URI1: variants seen among roughly 807,000 people sequenced by gnomAD.
URI1 encodes URI1 prefoldin like chaperone.
Under a neutral mutation model 60.2 loss-of-function variants are expected in URI1, and 39 were observed. That is an observed-to-expected ratio of 0.65 (90% confidence interval 0.50 to 0.85). The LOEUF is 0.85. Ranked by LOEUF, URI1 falls within the 40% of genes least tolerant of loss-of-function variation. The pLI is 0.00. For missense variants in URI1, 691 were observed against 665.9 expected, an observed-to-expected ratio of 1.04 and a Z score of -0.42; for synonymous variants, 251 against 236.8, an observed-to-expected ratio of 1.06 and a Z score of -0.55.
chr19:29,924,052 G>A (rs1478381201), intron 1 of URI1, among the ~76,000 whole-genome samples: 1 of 152,174 alleles, frequency 6.6e-6, no homozygotes, highest in Non-Finnish European at 1.5e-5. Flanking sequence ...CAGGGCAGGA[G>A]AAGGTGGATG....
intron 1 of URI1, among the ~76,000 whole-genome samples, chr19:29,955,522 GTTTAA>G (rs573216705): frequency 1.1e-3 from 171 of 152,142 alleles, no homozygotes; most frequent in Non-Finnish European, 1.2e-3. Flanking sequence ...GAACTATTAT[GTTTAA>G]TTTAATTTAT....
chr19:29,953,703 T>TTA (rs3049084), intron 1 of URI1, among the ~76,000 whole-genome samples: 1 of 151,486 alleles, frequency 6.6e-6, no homozygotes, highest in Non-Finnish European at 1.5e-5. Context: ...TTTTTTTTTT[T>TTA]AGAGCGTAGT....
intron 2 of URI1, among the ~76,000 whole-genome samples, chr19:29,974,671 T>C (rs572603254): frequency 1.1e-4 from 17 of 152,250 alleles, no homozygotes; most frequent in Non-Finnish European, 1.5e-4. Flanking sequence ...AGATTTGAGG[T>C]ACAATTGAAC....
upstream of URI1, among the ~76,000 whole-genome samples, chr19:29,939,906 A>G (rs1374813835): frequency 6.6e-6 from 1 of 152,146 alleles, no homozygotes; most frequent in Non-Finnish European, 1.5e-5. Flanking sequence ...GCTGAATTCT[A>G]GTAGGATGTC....
rs949374982 is a variant in URI1, at chr19:30,015,267, G to A, written c.*198G>A. 2 of 1,409,534 alleles carry A rather than the reference G, an allele frequency of 1.4e-6. No individual in the cohort carries two copies. The highest frequency in any genetic ancestry group is 5.1e-5 in the East Asian group (2 of 39,588). The allele number at this position is 1,409,534 out of a possible 1,614,324, so 87.3% of individuals were successfully genotyped here. ...GAATACTTTAATATCAGCTTGTTTTGTGAATTCTCTGAATACTGTCAACAC... is the reference window on the plus strand; with the variant it reads ...GAATACTTTAATATCAGCTTGTTTTATGAATTCTCTGAATACTGTCAACAC... On this transcript the variant is annotated 3_prime_UTR_variant, in exon 11 of 11. Transcript: ENST00000392271.
intron 1 of URI1, among the ~76,000 whole-genome samples, chr19:29,930,632 T>G (rs1469938102): frequency 6.6e-6 from 1 of 152,198 alleles, no homozygotes; most frequent in East Asian, 1.9e-4. Flanking sequence ...CGAGAGGGTT[T>G]ATTTTCTGGG....
At chr19:29,978,750 T>A (rs935689672) in intron 2 of URI1, among the ~76,000 whole-genome samples, 4 of 152,188 alleles carry the variant, frequency 2.6e-5, no homozygotes, top group Non-Finnish European at 5.9e-5. Flanking sequence ...TGCCTATAAT[T>A]TACTTTTTAC....
At chr19:29,933,323 T>C (rs1175348761) in intron 1 of URI1, among the ~76,000 whole-genome samples, 1 of 152,234 alleles carries the variant, frequency 6.6e-6, no homozygotes, top group East Asian at 1.9e-4. Context: ...GATTTTCTAT[T>C]TCTTCTTGAG....
chr19:29,990,114 G>C (rs2055727818), intron 4 of URI1, among the ~76,000 whole-genome samples: 1 of 152,192 alleles, frequency 6.6e-6, no homozygotes, highest in Admixed American at 6.5e-5. Context: ...TGGATGTCCA[G>C]TTGCTCCAAT....
rs149974596 is a variant in URI1, at chr19:29,961,080, C to T, written c.118-10113C>T. On this transcript the variant is annotated intron_variant, in intron 1 of 10. Transcript: ENST00000392271. ...CTCACTATGTTGCCCAGGGTGGTCTCGAACTCCTGGCCTCAAGCGGTCGTC... is the reference window on the plus strand; with the variant it reads ...CTCACTATGTTGCCCAGGGTGGTCTTGAACTCCTGGCCTCAAGCGGTCGTC... Among the ~76,000 whole-genome samples the T allele has an allele frequency of 8.2e-3, 1,236 of 151,614 alleles. 29 individuals are homozygous for T. The highest frequency in any genetic ancestry group is 0.042 in the Admixed American group (647 of 15,230).
chr19:30,016,198 G>A lies in URI1; in HGVS notation c.*1129G>A, dbSNP rs2056083588. The A allele has an allele frequency of 6.6e-6, 1 of 152,078 alleles. No individual in the cohort carries two copies. The highest frequency in any genetic ancestry group is 1.5e-5 in the Non-Finnish European group (1 of 67,958). The allele number at this position is 152,078 out of a possible 1,614,324, so 9.4% of individuals were successfully genotyped here. On this transcript the variant is annotated 3_prime_UTR_variant, in exon 11 of 11. Coordinates refer to ENST00000392271, the MANE Select transcript of URI1 (RefSeq NM_003796.3). ...TTCTTCTTAAACAAAGTGAAATTAT[G>A]TCCTAGAAAAGTAGAAGCTATTCGT...
chr19:29,970,196 A>C (rs905019901), intron 1 of URI1, among the ~76,000 whole-genome samples: 15 of 142,500 alleles, frequency 1.1e-4, no homozygotes, highest in Non-Finnish European at 2.3e-4. Flanking sequence ...TATACAAGAG[A>C]CAATATTGGT....
At chr19:29,935,342 A>G (rs1373461168) in intron 1 of URI1, among the ~76,000 whole-genome samples, 1 of 152,182 alleles carries the variant, frequency 6.6e-6, no homozygotes, top group African/African-American at 2.4e-5. Context: ...CCCAGATCAT[A>G]TCTTTATACA....
chr19:29,989,536 G>A (rs535962108), intron 4 of URI1, among the ~76,000 whole-genome samples: 2 of 150,870 alleles, frequency 1.3e-5, no homozygotes, highest in African/African-American at 4.9e-5. Flanking sequence ...TGATTCTCCT[G>A]CTCAGCCTCC....
chr19:29,994,177 G>A (rs2055782339), intron 4 of URI1, among the ~76,000 whole-genome samples: 2 of 151,994 alleles, frequency 1.3e-5, no homozygotes, highest in African/African-American at 4.8e-5. Context: ...GACAGTGCTG[G>A]CTTTAACAGA....
At position 30,009,112 on chromosome 19, in the gene URI1, A is replaced by T; in HGVS notation, c.794A>T (p.His265Leu). The T allele has an allele frequency of 6.2e-7, 1 of 1,613,856 alleles. No homozygotes were observed. Among genetic ancestry groups the T allele is most frequent in the South Asian group, 1.1e-5 (1 of 91,078 alleles). Residue 265 changes from histidine to leucine, a missense_variant, in exon 8 of 11, where the codon CAT (histidine) becomes CTT (leucine). By Grantham distance (99) the His-to-Leu change is moderately conservative (BLOSUM62 -3). Transcript: ENST00000392271. ...VNAMHQVTDS[H>L]TPCHKDVASS... Reference sequence around the variant, plus strand: ...GCGATGCATCAAGTAACAGACTCTCATACTCCTTGTCATAAGGATGTTGCA... The same window carrying T: ...GCGATGCATCAAGTAACAGACTCTCTTACTCCTTGTCATAAGGATGTTGCA...
rs112923189 is a variant in URI1, at chr19:29,971,310, C to T, written c.152+83C>T. On this transcript the variant is annotated intron_variant, in intron 2 of 10. Coordinates refer to ENST00000392271, the MANE Select transcript of URI1 (RefSeq NM_003796.3). ...GTTCAAATAATGTGTTTACTGTTTG[C>T]GTGTGTGTGTATGTATGACTAGTAA... 57 of 1,394,524 alleles carry T rather than the reference C, an allele frequency of 4.1e-5. 3 individuals are homozygous for T. Among genetic ancestry groups the T allele is most frequent in the African/African-American group, 1.4e-4 (10 of 70,232 alleles). 86.4% of individuals were successfully genotyped at this position (1,394,524 alleles called of 1,614,324 possible). A position where few individuals can be genotyped will look rare whatever the true frequency, so the allele number is the denominator to read the frequency against.
chr19:29,927,118 G>A (rs1232576485), intron 1 of URI1, among the ~76,000 whole-genome samples: 1 of 152,220 alleles, frequency 6.6e-6, no homozygotes, highest in Non-Finnish European at 1.5e-5. Flanking sequence ...GGTGAGCAGT[G>A]ATGGTGTCTT....
At chr19:29,927,513 C>T (rs541099861) in intron 1 of URI1, among the ~76,000 whole-genome samples, 50 of 148,804 alleles carry the variant, frequency 3.4e-4, no homozygotes, top group African/African-American at 1.2e-3. Flanking sequence ...CCACCTGTCT[C>T]GGCCTCCCAA....
Sources: gnomAD v4.1 joint callset for allele counts (sites outside exome capture counted in the v4.1 genomes callset) on GRCh38, gnomAD v4.1.1 for gene constraint, MANE v1.5 for transcripts, NCBI Gene and HGNC (gene_info 2026-07-23, HGNC 2026-07-21) for gene names.